MYO16: variants seen among roughly 807,000 people sequenced by gnomAD.
MYO16 encodes unconventional myosin-XVI.
In MYO16, 94 loss-of-function variants were observed where a neutral mutation model predicts 205.3. The observed-to-expected ratio is 0.46, with a 90% CI of 0.39 to 0.54. The LOEUF is 0.54. Among genes scored for constraint, MYO16 ranks in the 20% least tolerant of loss-of-function variants. The pLI is 0.00. For missense variants in MYO16, 2,315 were observed against 2,387.5 expected (o/e 0.97, Z 0.63); for synonymous variants, 988 against 954.0 (o/e 1.04, Z -0.66).
At chr13:108,936,294 G>C in intron 16 of MYO16, among the ~76,000 whole-genome samples, 1 of 152,020 alleles carries the variant, frequency 6.6e-6, no homozygotes, top group Admixed American at 6.6e-5. Context: ...CATTAGAATT[G>C]ATACCAGCTC....
chr13:108,747,606 AAGAAG>A (rs1325875145), intron 4 of MYO16, among the ~76,000 whole-genome samples: 8 of 152,282 alleles, frequency 5.3e-5, no homozygotes, highest in Non-Finnish European at 4.4e-5. Context: ...GTGGCAAAAG[AAGAAG>A]AGAAAATAGA....
rs142775890 is a variant in MYO16 at position 109,161,842 on chromosome 13, C to T, written c.5165-3059C>T. ...GAGCACAGTGGCTCATGTCTGAAAT[C>T]CCAGCACTATGGGAGGCCAAGGAAG... On this transcript the variant is annotated intron_variant, in intron 32 of 34. Coordinates refer to ENST00000457511, the MANE Select transcript of MYO16 (RefSeq NM_001198950.3). 2.6e-5 allele frequency among the ~76,000 whole-genome samples: 4 copies of T among 152,262 alleles called. No homozygotes were observed. The East Asian group carries it at 7.7e-4, about 29-fold the overall frequency.
chr13:108,828,233 T>A (rs1352738977), intron 9 of MYO16, among the ~76,000 whole-genome samples: 1 of 152,000 alleles, frequency 6.6e-6, no homozygotes. Context: ...AGCGAGGAGG[T>A]CATTTTTATT....
At chr13:109,106,035 T>C (rs1322861966) in intron 28 of MYO16, among the ~76,000 whole-genome samples, 1 of 152,342 alleles carries the variant, frequency 6.6e-6, no homozygotes, top group South Asian at 2.1e-4. Context: ...GCCACGTCCT[T>C]ATTTGCAAAG....
At chr13:109,166,034 T>A (rs545592176) in intron 33 of MYO16, among the ~76,000 whole-genome samples, 1 of 152,226 alleles carries the variant, frequency 6.6e-6, no homozygotes, top group South Asian at 2.1e-4. Context: ...AAAACATTCA[T>A]AGAAACCATT....
chr13:108,524,300 G>A, the MYO16 span, among the ~76,000 whole-genome samples: 34 of 117,214 alleles, frequency 2.9e-4, no homozygotes, highest in South Asian at 3.1e-3. Context: ...GCAAGACTCC[G>A]TCTCCAAAAA....
intron 23 of MYO16, among the ~76,000 whole-genome samples, chr13:109,026,180 T>C (rs111838143): frequency 0.017 from 2,577 of 152,334 alleles, 75 homozygotes; most frequent in African/African-American, 0.059. Context: ...GAAAATATTT[T>C]CAGGCCCCTA....
At chr13:108,912,034 G>A (rs1881290122) in intron 16 of MYO16, among the ~76,000 whole-genome samples, 1 of 152,204 alleles carries the variant, frequency 6.6e-6, no homozygotes. Context: ...TTTTAAGACA[G>A]CAAGGTGGAG....
At chr13:108,543,832 G>A in the MYO16 span, among the ~76,000 whole-genome samples, 5 of 148,530 alleles carry the variant, frequency 3.4e-5, no homozygotes, top group East Asian at 6.0e-4. Flanking sequence ...TTGGGAGGCC[G>A]GGGTGGGTGG....
intron 27 of MYO16, among the ~76,000 whole-genome samples, chr13:109,089,013 A>T (rs1375721872): frequency 6.6e-6 from 1 of 152,058 alleles, no homozygotes; most frequent in African/African-American, 2.4e-5. Context: ...TTAATTCCTA[A>T]TAAATTTGGC....
intron 16 of MYO16, among the ~76,000 whole-genome samples, chr13:108,942,533 G>T (rs1882774786): frequency 6.6e-6 from 1 of 152,124 alleles, no homozygotes; most frequent in Admixed American, 6.5e-5. Context: ...ATATTAGTTT[G>T]CCTTCTCTGA....
At chr13:108,746,905 G>C (rs982658658) in intron 4 of MYO16, among the ~76,000 whole-genome samples, 8 of 152,070 alleles carry the variant, frequency 5.3e-5, no homozygotes, top group African/African-American at 1.7e-4. Flanking sequence ...TCTTGAAAAA[G>C]CTAGGCAGGA....
At chr13:109,029,465 C>A (rs1224841509) in intron 23 of MYO16, among the ~76,000 whole-genome samples, 2 of 152,034 alleles carry the variant, frequency 1.3e-5, no homozygotes, top group Admixed American at 6.6e-5. Flanking sequence ...TCCTTTACCT[C>A]CCTGGAGATT....
intron 1 of MYO16, among the ~76,000 whole-genome samples, chr13:108,646,420 T>G (rs1225203391): frequency 6.6e-6 from 1 of 152,246 alleles, no homozygotes; most frequent in Non-Finnish European, 1.5e-5. Context: ...TAAAGGGTAG[T>G]AATCAAAGTT....
intron 16 of MYO16, among the ~76,000 whole-genome samples, chr13:108,925,434 TG>T (rs1273119321): frequency 2.0e-5 from 3 of 152,180 alleles, no homozygotes; most frequent in African/African-American, 7.2e-5. Context: ...TTATTGACGG[TG>T]GGGCCAGAGA....
intron 5 of MYO16, among the ~76,000 whole-genome samples, chr13:108,791,113 G>T (rs1222540574): frequency 1.3e-5 from 2 of 152,130 alleles, no homozygotes; most frequent in African/African-American, 4.8e-5. Flanking sequence ...CTAAAAGTCA[G>T]AATAAGTGAC....
chr13:108,923,099 A>G lies in MYO16; in HGVS notation c.1925+12949A>G, dbSNP rs1881819708. The stretch of plus-strand genomic sequence containing the variant: ...AACCCTGATTCGTAAAAACAGGTGA[A>G]AGATTTTGTGGCGGTATTTGCAATG... On this transcript the variant is annotated intron_variant, in intron 16 of 34. Transcript: ENST00000457511. Among the ~76,000 whole-genome samples the G allele has an allele frequency of 2.0e-5, 3 of 152,172 alleles. No homozygotes were observed. In the South Asian group the frequency reaches 6.2e-4, roughly 31 times the overall value.
intron 4 of MYO16, among the ~76,000 whole-genome samples, chr13:108,771,682 G>A (rs1448322563): frequency 6.6e-6 from 1 of 152,124 alleles, no homozygotes; most frequent in East Asian, 1.9e-4. Context: ...CAATTACCAA[G>A]CGATCTTTCT....
chr13:109,170,796 A>G (rs547190426), intron 33 of MYO16, among the ~76,000 whole-genome samples: 1 of 152,290 alleles, frequency 6.6e-6, no homozygotes, highest in Admixed American at 6.5e-5. Context: ...AATTAATAAT[A>G]TAAATTCTTT....
Sources: gnomAD v4.1 joint callset for allele counts (sites outside exome capture counted in the v4.1 genomes callset) on GRCh38, gnomAD v4.1.1 for gene constraint, MANE v1.5 for transcripts, NCBI Gene and HGNC (gene_info 2026-07-23, HGNC 2026-07-21) for gene names.